UGT1A10: variants seen among roughly 807,000 people sequenced by gnomAD.
UGT1A10 encodes the protein UDP glucuronosyltransferase family 1 member A10, also known as UDP-glucuronosyltransferase 1A10.
In UGT1A10, 49 loss-of-function variants were observed where a neutral mutation model predicts 45.8. That is an observed-to-expected ratio of 1.07 (90% CI 0.85 to 1.36). UGT1A10 has a LOEUF of 1.36. Ranked by LOEUF, UGT1A10 falls within the 40% of genes most tolerant of loss-of-function variation. The pLI is 0.00. For missense variants in UGT1A10, 745 were observed against 668.6 expected (o/e 1.11, Z -1.26); for synonymous variants, 284 against 249.7 (o/e 1.14, Z -1.29).
intron 1 of UGT1A10, chr2:233,693,767 T>G: frequency 6.2e-7 from 1 of 1,614,246 alleles, no homozygotes; most frequent in Non-Finnish European, 8.5e-7. Context: ...TGTTTGGCTG[T>G]TAAGATATGA....
At chr2:233,655,214 G>A (rs529148294) in intron 1 of UGT1A10, among the ~76,000 whole-genome samples, 1 of 152,212 alleles carries the variant, frequency 6.6e-6, no homozygotes, top group Non-Finnish European at 1.5e-5. Flanking sequence ...TGACTAATTT[G>A]TGATCACCAG....
intron 1 of UGT1A10, among the ~76,000 whole-genome samples, chr2:233,670,521 A>G (rs1443001934): frequency 6.6e-6 from 1 of 152,186 alleles, no homozygotes; most frequent in East Asian, 1.9e-4. Flanking sequence ...AGCCTTTGCC[A>G]AACTGTTTAA....
In UGT1A10 at chr2:233,724,313, C is replaced by T. The variant is rs1238022468; in HGVS notation, c.856-42721C>T. ...CTGACCCCCCCACCTCCCTCCCGGA[C>T]GGGGCGGCTGGCCAGGCGGGGGGCT... On this transcript the variant is annotated intron_variant, in intron 1 of 4. Coordinates refer to ENST00000344644, the MANE Select transcript of UGT1A10 (RefSeq NM_019075.4). Among the ~76,000 whole-genome samples the T allele has an allele frequency of 7.3e-4, 99 of 136,280 alleles. No homozygotes were observed. In the Middle Eastern group the frequency reaches 0.011, roughly 16 times the overall value. 89.4% of individuals were successfully genotyped at this position (136,280 alleles called of 152,430 possible).
At chr2:233,648,078 C>T (rs1204580932) in intron 1 of UGT1A10, 7 of 1,535,156 alleles carry the variant, frequency 4.6e-6, no homozygotes, top group African/African-American at 1.4e-5. Context: ...CAACCTTATA[C>T]ACCCTGGAGG....
chr2:233,724,248 C>A (rs1157079277), intron 1 of UGT1A10, among the ~76,000 whole-genome samples: 1 of 130,578 alleles, frequency 7.7e-6, no homozygotes, highest in Admixed American at 7.2e-5. Context: ...GGCAGAGGCG[C>A]CCCTCACCTC....
At chr2:233,648,818 A>G (rs1192493963) in intron 1 of UGT1A10, 4 of 1,013,920 alleles carry the variant, frequency 3.9e-6, no homozygotes, top group Non-Finnish European at 5.9e-6. Context: ...TACTTAGAGG[A>G]GCATTTATTT....
In UGT1A10 at chr2:233,648,832, C is replaced by T. The variant is rs193192609; in HGVS notation, c.855+11455C>T. ...CTACTTAGAGGAGCATTTATTTTGC[C>T]CATATTTTTTCAAAAATGCCTTAAA... On this transcript the variant is annotated intron_variant, in intron 1 of 4. Transcript: ENST00000344644. The T allele has an allele frequency of 3.7e-4, 407 of 1,088,010 alleles. 2 individuals carry two copies. In the East Asian group the frequency reaches 0.01, roughly 27 times the overall value. The allele number at this position is 1,088,010 out of a possible 1,614,324, so 67.4% of individuals were successfully genotyped here.
At chr2:233,727,146 G>T (rs2077588157) in intron 1 of UGT1A10, among the ~76,000 whole-genome samples, 1 of 152,194 alleles carries the variant, frequency 6.6e-6, no homozygotes, top group Non-Finnish European at 1.5e-5. Context: ...GACCACACAG[G>T]TCAGTCTTTC....
At position 233,773,229 on chromosome 2, in the gene UGT1A10, G is replaced by T. The variant is rs71539604; in HGVS notation, c.*670G>T. On this transcript the variant is annotated 3_prime_UTR_variant, in exon 5 of 5. Transcript: ENST00000344644. ...AAAACCCAAAATACAGCTATGAAGT[G>T]CTGGGCAAGTTTACTTTTTTTCTGA... 2 of 152,312 alleles carry T rather than the reference G, an allele frequency of 1.3e-5. No individual in the cohort carries two copies. The highest frequency in any genetic ancestry group is 2.9e-5 in the Non-Finnish European group (2 of 68,032). The allele number at this position is 152,312 out of a possible 1,614,324, so 9.4% of individuals were successfully genotyped here.
At chr2:233,718,247 CA>C (rs1259915716) in intron 1 of UGT1A10, among the ~76,000 whole-genome samples, 1 of 152,186 alleles carries the variant, frequency 6.6e-6, no homozygotes, top group African/African-American at 2.4e-5. Flanking sequence ...TTGAGCTTTA[CA>C]AGAAATATCC....
At position 233,773,058 on chromosome 2, in the gene UGT1A10, T is replaced by C. The variant is rs893890445; in HGVS notation, c.*499T>C. The C allele has an allele frequency of 5.7e-6, 1 of 175,710 alleles. No homozygotes were observed. The highest frequency in any genetic ancestry group is 2.4e-5 in the African/African-American group (1 of 41,884). The allele number at this position is 175,710 out of a possible 1,614,324, so 10.9% of individuals were successfully genotyped here. A position where few individuals can be genotyped will look rare whatever the true frequency, so the allele number is the denominator to read the frequency against. On this transcript the variant is annotated 3_prime_UTR_variant, in exon 5 of 5. Transcript: ENST00000344644. ...AGGGAAGCTTTGTACCTTTAGAGTGTAGGTGAAATGAATGAATGGCTTGGA... is the reference window on the plus strand; with the variant it reads ...AGGGAAGCTTTGTACCTTTAGAGTGCAGGTGAAATGAATGAATGGCTTGGA...
chr2:233,683,154 T>G (rs2074620645), intron 1 of UGT1A10, among the ~76,000 whole-genome samples: 3 of 152,308 alleles, frequency 2.0e-5, no homozygotes, highest in Admixed American at 1.3e-4. Flanking sequence ...TGTTTTCAAT[T>G]TTTTTGAAAT....
chr2:233,720,901 A>G (rs1393061406), intron 1 of UGT1A10, among the ~76,000 whole-genome samples: 5 of 132,048 alleles, frequency 3.8e-5, no homozygotes, highest in Admixed American at 7.7e-5. Flanking sequence ...AGTAGAGATG[A>G]GGTTTCGCAA....
chr2:233,672,799 C>T, intron 1 of UGT1A10: 1 of 1,612,130 alleles, frequency 6.2e-7, no homozygotes, highest in Non-Finnish European at 8.5e-7. Context: ...GGTAAGTTAT[C>T]TCTCCTTTAG....
intron 1 of UGT1A10, among the ~76,000 whole-genome samples, chr2:233,675,270 G>T (rs1040996706): frequency 6.6e-6 from 1 of 152,140 alleles, no homozygotes; most frequent in Non-Finnish European, 1.5e-5. Flanking sequence ...ATATCATTCC[G>T]TGTGGTCATT....
At chr2:233,732,233 T>C (rs2078252612) in intron 1 of UGT1A10, among the ~76,000 whole-genome samples, 1 of 152,264 alleles carries the variant, frequency 6.6e-6, no homozygotes, top group South Asian at 2.1e-4. Context: ...TCTCCCATTC[T>C]GTAGGTTGCC....
intron 1 of UGT1A10, chr2:233,648,885 T>G: frequency 7.7e-7 from 1 of 1,293,174 alleles, no homozygotes; most frequent in East Asian, 2.7e-5. Context: ...TCCAAACACC[T>G]GTCATGGCAT....
rs922609879 is a variant in UGT1A10 at position 233,659,552 on chromosome 2, C to T, written c.855+22175C>T. 3.9e-5 allele frequency among the ~76,000 whole-genome samples: 6 copies of T among 152,196 alleles called. No homozygotes were observed. The Middle Eastern group carries it at 0.01, about 259-fold the overall frequency. On this transcript the variant is annotated intron_variant, in intron 1 of 4. Coordinates refer to ENST00000344644, the MANE Select transcript of UGT1A10 (RefSeq NM_019075.4). The stretch of plus-strand genomic sequence containing the variant: ...AGATCTTCCTTTTGATTGTCCTCCA[C>T]TGAGTAGGCTGAGGAGGAAGAGGAG...
chr2:233,682,514 C>A lies in UGT1A10; in HGVS notation c.855+45137C>A, dbSNP rs368267055. The stretch of plus-strand genomic sequence containing the variant: ...TGCTCCTCTTTCCTATGTCCCCAGA[C>A]TTCTCTTAGGGTTCTCAGACGCCAT... On this transcript the variant is annotated intron_variant, in intron 1 of 4. Transcript: ENST00000344644. 44 of 1,613,960 alleles carry A rather than the reference C, an allele frequency of 2.7e-5. No individual in the cohort carries two copies. In the East Asian group the frequency reaches 3.6e-4, roughly 13 times the overall value.
Sources: gnomAD v4.1 joint callset for allele counts (sites outside exome capture counted in the v4.1 genomes callset) on GRCh38, gnomAD v4.1.1 for gene constraint, MANE v1.5 for transcripts, NCBI Gene and HGNC (gene_info 2026-07-23, HGNC 2026-07-21) for gene names.